TTC7A: variants seen among roughly 807,000 people sequenced by gnomAD.
TTC7A encodes the protein tetratricopeptide repeat domain 7A, also known as tetratricopeptide repeat protein 7A.
A neutral mutation model predicts 103.7 loss-of-function variants in TTC7A; 110 were observed. That is an observed-to-expected ratio of 1.06 (90% CI 0.91 to 1.24). The LOEUF (loss-of-function observed/expected upper bound fraction) is 1.24. Ranked by LOEUF, TTC7A falls within the 50% of genes most tolerant of loss-of-function variation. The pLI, the probability that TTC7A is intolerant of heterozygous loss-of-function variation, is 0.00. For missense variants in TTC7A, 1,340 were observed against 1,116.3 expected, an observed-to-expected ratio of 1.20 and a Z score of -2.86; for synonymous variants, 521 against 467.9, an observed-to-expected ratio of 1.11 and a Z score of -1.47.
intron 11 of TTC7A, among the ~76,000 whole-genome samples, chr2:47,016,009 G>C (rs550681383): frequency 2.6e-5 from 4 of 152,340 alleles, no homozygotes; most frequent in East Asian, 1.9e-4. Context: ...ACTTTCTGTA[G>C]TTCCCAGAAA....
chr2:47,046,464 G>C, intron 16 of TTC7A, 33 bp downstream of exon 16: 7 of 1,578,382 alleles, frequency 4.4e-6, no homozygotes, highest in Non-Finnish European at 6.1e-6. Flanking sequence ...TGGGTTGCCA[G>C]AGGGTGGTTG....
intron 19 of TTC7A, among the ~76,000 whole-genome samples, chr2:47,063,150 AT>A (rs1683924416): frequency 6.6e-6 from 1 of 152,218 alleles, no homozygotes. Flanking sequence ...GACATCTGGG[AT>A]CTAATCCTGG....
chr2:47,071,091 C>T (rs1279015643), intron 19 of TTC7A: 1 of 152,356 alleles, frequency 6.6e-6, no homozygotes, highest in Non-Finnish European at 1.5e-5. Flanking sequence ...GGAGGATTGT[C>T]TGCAGGTCCT....
chr2:46,962,267 G>A (rs1672448604), intron 3 of TTC7A, among the ~76,000 whole-genome samples: 2 of 152,136 alleles, frequency 1.3e-5, no homozygotes, highest in Non-Finnish European at 2.9e-5. Context: ...CTCCGACACA[G>A]TTCAGTGTGT....
At position 46,929,342 on chromosome 2, in the gene TTC7A, C is replaced by G. The variant is rs996844398; in HGVS notation, c.82+12065C>G. 3.9e-5 allele frequency among the ~76,000 whole-genome samples: 6 copies of G among 151,990 alleles called. No homozygotes were observed. In the East Asian group the frequency reaches 1.2e-3, roughly 29 times the overall value. ...TCTATAGGAAAAATTTAAAAACTACCTGGCTGTGGTGGTACACACCTGTAG... is the reference window on the plus strand; with the variant it reads ...TCTATAGGAAAAATTTAAAAACTACGTGGCTGTGGTGGTACACACCTGTAG... On this transcript the variant is annotated intron_variant, in intron 2 of 20. Transcript: ENST00000409245.
At chr2:46,957,603 G>C (rs180738171) in intron 3 of TTC7A, among the ~76,000 whole-genome samples, 71 of 152,332 alleles carry the variant, frequency 4.7e-4, no homozygotes, top group Middle Eastern at 3.4e-3. Flanking sequence ...GTGCTCTGGA[G>C]GGGATTTAGG....
At chr2:46,989,555 G>A (rs1675386422) in intron 5 of TTC7A, among the ~76,000 whole-genome samples, 1 of 152,028 alleles carries the variant, frequency 6.6e-6, no homozygotes, top group African/African-American at 2.4e-5. Flanking sequence ...GCATTCTCAG[G>A]TCAGTGTTAG....
At chr2:46,923,545 G>A (rs768313268) in intron 2 of TTC7A, among the ~76,000 whole-genome samples, 2 of 152,148 alleles carry the variant, frequency 1.3e-5, no homozygotes, top group East Asian at 3.8e-4. Context: ...TATCAGACCT[G>A]TCTCTTTACT....
chr2:46,964,256 C>T (rs1672642919), intron 3 of TTC7A, among the ~76,000 whole-genome samples: 1 of 152,138 alleles, frequency 6.6e-6, no homozygotes, highest in African/African-American at 2.4e-5. Context: ...AGGTGCCTTC[C>T]AGCAAGGGAA....
intron 4 of TTC7A, among the ~76,000 whole-genome samples, chr2:46,975,813 T>C (rs1673820589): frequency 6.6e-6 from 1 of 152,198 alleles, no homozygotes; most frequent in Non-Finnish European, 1.5e-5. Flanking sequence ...CTCAGCTCAC[T>C]GTAACCTCCA....
At position 47,060,820 on chromosome 2, in the gene TTC7A, A is replaced by G. The variant is rs1480005489; in HGVS notation, c.2204A>G (p.Gln735Arg). ...CTCAAGGAAGCAGGTTTCTGCATCC[A>G]GGAGGCGGCGGGCCTCTTCCCCACT... is the stretch of plus-strand genomic sequence containing the variant. The part of the protein sequence containing the change: ...QHLKEAGFCI[Q>R]EAAGLFPTSH... The change falls in exon 19 of 20, where the codon CAG (glutamine) becomes CGG (arginine). Residue 735 changes from glutamine to arginine, a missense_variant. Transcript: ENST00000319190. 3.1e-6 allele frequency: 5 copies of G among 1,613,498 alleles called. No individual in the cohort carries two copies. Among genetic ancestry groups the G allele is most frequent in the Non-Finnish European group, 4.2e-6 (5 of 1,179,478 alleles).
chr2:47,049,878 C>A, intron 16 of TTC7A, 71 bp from the exon 17 acceptor site: 12 of 1,157,726 alleles, frequency 1.0e-5, no homozygotes, highest in Non-Finnish European at 1.5e-5. Flanking sequence ...TGATGCTGGC[C>A]CTCTACCTCA....
chr2:46,943,276 T>A (rs1670617941), intron 1 of TTC7A, among the ~76,000 whole-genome samples: 1 of 152,156 alleles, frequency 6.6e-6, no homozygotes, highest in African/African-American at 2.4e-5. Flanking sequence ...ATTTTAGACA[T>A]AGGGACACCA....
intron 2 of TTC7A, among the ~76,000 whole-genome samples, chr2:46,954,077 G>A (rs1203591408): frequency 6.6e-6 from 1 of 152,156 alleles, no homozygotes; most frequent in Non-Finnish European, 1.5e-5. Context: ...GAGTACTGGG[G>A]TGGAAATAAA....
intron 18 of TTC7A, among the ~76,000 whole-genome samples, chr2:47,058,215 C>T (rs986808864): frequency 2.6e-5 from 4 of 152,172 alleles, no homozygotes. Flanking sequence ...GACTAGAGCC[C>T]GCATTTCTCT....
intron 2 of TTC7A, among the ~76,000 whole-genome samples, chr2:46,953,645 A>T (rs1193288536): frequency 6.6e-6 from 1 of 151,998 alleles, no homozygotes; most frequent in Non-Finnish European, 1.5e-5. Context: ...CCTCTTGGTT[A>T]TCTCTCTAAG....
chr2:46,971,876 C>T (rs1422757450), intron 3 of TTC7A, among the ~76,000 whole-genome samples: 1 of 147,140 alleles, frequency 6.8e-6, no homozygotes, highest in Admixed American at 6.9e-5. Context: ...ACCAATAGTT[C>T]AGAAGGACAG....
intron 2 of TTC7A, among the ~76,000 whole-genome samples, chr2:46,920,642 CT>C (rs1450193967): frequency 7.6e-6 from 1 of 131,092 alleles, no homozygotes; most frequent in Non-Finnish European, 1.5e-5. Context: ...TAGTCTTAGG[CT>C]TTTTTGAAAA....
intron 12 of TTC7A, among the ~76,000 whole-genome samples, chr2:47,022,256 C>G (rs974916418): frequency 1.3e-5 from 2 of 152,230 alleles, no homozygotes; most frequent in South Asian, 2.1e-4. Flanking sequence ...AGCCACAGCT[C>G]CAGCAAAGCC....
Sources: allele counts gnomAD v4.1 joint callset (sites outside exome capture counted in the v4.1 genomes callset), GRCh38; gene constraint gnomAD v4.1.1; transcripts MANE v1.5; gene names NCBI Gene and HGNC (gene_info 2026-07-23, HGNC 2026-07-21).